ARHGEF10: variants seen among roughly 807,000 people sequenced by gnomAD.
ARHGEF10 encodes the protein Rho guanine nucleotide exchange factor (GEF) 10.
In ARHGEF10, 140 loss-of-function variants were observed where a neutral mutation model predicts 147.4. That is an observed-to-expected ratio of 0.95 (90% CI 0.83 to 1.09). The LOEUF (loss-of-function observed/expected upper bound fraction) is 1.09. Ranked by LOEUF, ARHGEF10 falls within the 50% of genes least tolerant of loss-of-function variation. The probability of loss-of-function intolerance (pLI) is 0.00; values close to 1 mark genes in which losing one functional copy is unlikely to be tolerated. For synonymous variants in ARHGEF10, 902 were observed against 695.8 expected, an observed-to-expected ratio of 1.30 and a Z score of -4.67; for missense variants, 2,222 against 1,752.7, an observed-to-expected ratio of 1.27 and a Z score of -4.78.
At chr8:1,926,910 A>C (rs1323849941) in intron 23 of ARHGEF10, 1 of 293,168 alleles carries the variant, frequency 3.4e-6, no homozygotes, top group African/African-American at 2.3e-5. Context: ...GGTTCTTGCA[A>C]ACCAGAGGAC....
In ARHGEF10 at chr8:1,905,554, G is replaced by C. The variant is rs1016910245; in HGVS notation, c.1822-17G>C. ...TAAACTGAACTGTGGTCCCTGGGCT[G>C]TGTTTTGAATGTCCAGCTTCTCAGC... On this transcript the variant is annotated splice_polypyrimidine_tract_variant and intron_variant, in intron 16 of 28. Coordinates refer to ENST00000349830, the MANE Select transcript of ARHGEF10 (RefSeq NM_014629.4). 1.2e-6 allele frequency: 2 copies of C among 1,614,030 alleles called. No individual in the cohort carries two copies. The highest frequency in any genetic ancestry group is 1.6e-4 in the Middle Eastern group (1 of 6,082).
At chr8:1,945,917 G>GTGCTGGGAGGAGCCGCA (rs1814550699) in intron 27 of ARHGEF10, 8 of 615,562 alleles carry the variant, frequency 1.3e-5, no homozygotes, top group Non-Finnish European at 1.7e-5. Flanking sequence ...GAGGAGCCGC[G>GTGCTGGGAGGAGCCGCA]TGGCAGTGCC....
chr8:1,838,687 T>C (rs1023276558), intron 1 of ARHGEF10, among the ~76,000 whole-genome samples: 2 of 152,270 alleles, frequency 1.3e-5, no homozygotes, highest in African/African-American at 2.4e-5. Flanking sequence ...TGGGATCCGA[T>C]TGTCGGAAGC....
chr8:1,934,072 T>C (rs975608012), intron 26 of ARHGEF10, 130 bp downstream of exon 26: 4 of 1,216,558 alleles, frequency 3.3e-6, no homozygotes, highest in Admixed American at 1.9e-5. Context: ...CAGTGGCTCA[T>C]GCCTGTAATG....
At chr8:1,952,442 G>A (rs1403998633) in intron 27 of ARHGEF10, among the ~76,000 whole-genome samples, 1 of 152,242 alleles carries the variant, frequency 6.6e-6, no homozygotes, top group Admixed American at 6.5e-5. Flanking sequence ...GCAGAGCCAT[G>A]CAGACGACAG....
At chr8:1,956,664 T>C in intron 28 of ARHGEF10, 85 bp from the exon 29 acceptor site, 2 of 1,469,822 alleles carry the variant, frequency 1.4e-6, no homozygotes, top group Non-Finnish European at 1.9e-6. Flanking sequence ...AGGAATGCGT[T>C]GGGGTTAAGC....
At chr8:1,851,404 A>G (rs1805137545) in intron 2 of ARHGEF10, among the ~76,000 whole-genome samples, 1 of 151,692 alleles carries the variant, frequency 6.6e-6, no homozygotes, top group South Asian at 2.1e-4. Context: ...GCACAGCACC[A>G]GGAGCGAGGC....
At chr8:1,856,037 A>G (rs922238000) in intron 2 of ARHGEF10, among the ~76,000 whole-genome samples, 1 of 152,098 alleles carries the variant, frequency 6.6e-6, no homozygotes, top group Non-Finnish European at 1.5e-5. Flanking sequence ...GGTTCTGTCC[A>G]TTCCAGCTCT....
chr8:1,880,065 C>G lies in ARHGEF10; in HGVS notation c.861C>G (p.Thr287=), dbSNP rs371088355. The G allele has an allele frequency of 6.2e-7, 1 of 1,613,168 alleles. No individual in the cohort carries two copies. The highest frequency in any genetic ancestry group is 8.5e-7 in the Non-Finnish European group (1 of 1,179,262). Residue 287 remains threonine (T), a synonymous_variant, in exon 9 of 29, where the codon ACC becomes ACG. Transcript: ENST00000349830. ...TGCTGTAGCTTTCTCATGACCTAAC[C>G]CGTTTAAAGGAGCACTATGAGAAAA... ...NHKKQLSHDL[T]RLKEHYEKKM... is the part of the protein sequence containing the mutation.
chr8:1,868,055 G>T (rs1806770744), intron 6 of ARHGEF10, among the ~76,000 whole-genome samples: 1 of 152,160 alleles, frequency 6.6e-6, no homozygotes, highest in South Asian at 2.1e-4. Context: ...AGATGGCAGT[G>T]AATTGGAATA....
intron 4 of ARHGEF10, among the ~76,000 whole-genome samples, chr8:1,863,773 C>T (rs533234795): frequency 3.1e-4 from 47 of 152,208 alleles, no homozygotes; most frequent in Non-Finnish European, 6.0e-4. Flanking sequence ...GCTTTGCTCA[C>T]GGCTCACCGT....
At chr8:1,915,688 T>C (rs570371362) in intron 18 of ARHGEF10, among the ~76,000 whole-genome samples, 1 of 152,358 alleles carries the variant, frequency 6.6e-6, no homozygotes, top group South Asian at 2.1e-4. Context: ...GGACAAACAC[T>C]GGTGTGAATT....
At chr8:1,828,772 C>T (rs1802915670) in intron 1 of ARHGEF10, among the ~76,000 whole-genome samples, 1 of 151,440 alleles carries the variant, frequency 6.6e-6, no homozygotes, top group Non-Finnish European at 1.5e-5. Flanking sequence ...GGCATGCACA[C>T]TTACTGTTTT....
chr8:1,956,543 A>C (rs559518414), intron 28 of ARHGEF10, among the ~76,000 whole-genome samples: 8 of 152,336 alleles, frequency 5.3e-5, no homozygotes, highest in Non-Finnish European at 1.2e-4. Context: ...ATCATTTTTA[A>C]AGCCTTTTTC....
intron 28 of ARHGEF10, among the ~76,000 whole-genome samples, chr8:1,953,434 A>G (rs1048304323): frequency 2.6e-5 from 4 of 152,214 alleles, no homozygotes; most frequent in African/African-American, 2.4e-5. Context: ...AAAAGGCTCC[A>G]TTGTGCTATT....
chr8:1,840,995 A>G (rs889711997), intron 1 of ARHGEF10, among the ~76,000 whole-genome samples: 2 of 152,184 alleles, frequency 1.3e-5, no homozygotes, highest in African/African-American at 4.8e-5. Context: ...CACATATTCC[A>G]GGTGGAGCGA....
At chr8:1,858,207 C>T (rs1484217908) in intron 3 of ARHGEF10, 92 bp downstream of exon 3, 1 of 1,152,364 alleles carries the variant, frequency 8.7e-7, no homozygotes, top group Non-Finnish European at 1.2e-6. Context: ...CAGGTGAGTT[C>T]CCAGGTGAGT....
intron 6 of ARHGEF10, among the ~76,000 whole-genome samples, chr8:1,868,782 T>A (rs1563203125): frequency 6.6e-6 from 1 of 152,212 alleles, no homozygotes; most frequent in Non-Finnish European, 1.5e-5. Context: ...TTGTATTTTT[T>A]TGTGCGTCAG....
At chr8:1,833,180 AGGC>A (rs1356582869) in intron 1 of ARHGEF10, among the ~76,000 whole-genome samples, 6 of 149,158 alleles carry the variant, frequency 4.0e-5, no homozygotes, top group East Asian at 3.9e-4. Context: ...AAGCAGAGGG[AGGC>A]AGAGACAGAA....
Sources: gnomAD v4.1 joint callset for allele counts (sites outside exome capture counted in the v4.1 genomes callset) on GRCh38, gnomAD v4.1.1 for gene constraint, MANE v1.5 for transcripts, NCBI Gene and HGNC (gene_info 2026-07-23, HGNC 2026-07-21) for gene names.